TRAF3IP1: variants seen among roughly 807,000 people sequenced by gnomAD.
TRAF3IP1 encodes the protein TRAF3-interacting protein 1.
A neutral mutation model predicts 89.9 loss-of-function variants in TRAF3IP1; 53 were observed. The ratio of observed to expected loss-of-function variants is 0.59; its 90% CI spans 0.47 to 0.74. TRAF3IP1 has a LOEUF of 0.74. Ranked by LOEUF, TRAF3IP1 falls within the 30% of genes least tolerant of loss-of-function variation. The pLI is 0.00. For missense variants in TRAF3IP1, 806 were observed against 866.1 expected (o/e 0.93, Z 0.87); for synonymous variants, 311 against 322.1 (o/e 0.97, Z 0.37).
At chr2:238,331,510 G>T (rs1698123199) in intron 5 of TRAF3IP1, among the ~76,000 whole-genome samples, 1 of 152,100 alleles carries the variant, frequency 6.6e-6, no homozygotes, top group Admixed American at 6.5e-5. Flanking sequence ...AATTTTTAGA[G>T]GCTGATATTT....
intron 3 of TRAF3IP1, among the ~76,000 whole-genome samples, chr2:238,327,089 C>G (rs1295424871): frequency 2.6e-5 from 4 of 152,262 alleles, no homozygotes; most frequent in Admixed American, 6.5e-5. Context: ...CTACTTCTCT[C>G]CCTTCAGATC....
At chr2:238,356,332 AC>A (rs1212464031) in intron 15 of TRAF3IP1, among the ~76,000 whole-genome samples, 2 of 152,132 alleles carry the variant, frequency 1.3e-5, no homozygotes, top group Non-Finnish European at 2.9e-5. Flanking sequence ...CCCTGTCTTT[AC>A]AAAAAATACA....
intron 15 of TRAF3IP1, among the ~76,000 whole-genome samples, chr2:238,377,266 C>G (rs1700360248): frequency 8.6e-6 from 1 of 116,932 alleles, no homozygotes; most frequent in Admixed American, 1.0e-4. Flanking sequence ...GACAGGGCCT[C>G]CCTGTCACCC....
At chr2:238,333,905 A>C (rs1432222206) in intron 6 of TRAF3IP1, 55 bp from the exon 7 acceptor site, 4 of 1,400,706 alleles carry the variant, frequency 2.9e-6, no homozygotes, top group Admixed American at 4.0e-5. Context: ...AAACCTGCTT[A>C]TGATACTGCT....
intron 15 of TRAF3IP1, among the ~76,000 whole-genome samples, chr2:238,367,704 A>G (rs1356090448): frequency 6.6e-6 from 1 of 151,980 alleles, no homozygotes; most frequent in Admixed American, 6.6e-5. Flanking sequence ...CACCTGCACC[A>G]CAACTCACTG....
intron 1 of TRAF3IP1, among the ~76,000 whole-genome samples, chr2:238,321,019 G>A (rs1293596458): frequency 6.6e-6 from 1 of 152,068 alleles, no homozygotes; most frequent in Non-Finnish European, 1.5e-5. Context: ...GGCACAGGGT[G>A]CGGGTCGGGG....
At position 238,338,403 on chromosome 2, in the gene TRAF3IP1, A is replaced by G. The variant is rs558904902; in HGVS notation, c.1105A>G (p.Ile369Val). The stretch of plus-strand genomic sequence containing the variant: ...TATTTCAGCTAAAAGTTTAGACTCC[A>G]TAGTGTCTGGAATAAATAATGAGCC... Reference protein sequence around the residue: ...DNISAKSLDSIVSGINNEPNQ... With the variant: ...DNISAKSLDSVVSGINNEPNQ... The change falls in exon 8 of 17, where the codon ATA (isoleucine) becomes GTA (valine). Residue 369 changes from isoleucine to valine, a missense_variant. This residue lies in a region of TRAF3IP1 where 732 missense variants were observed against 780.5 expected (regional missense o/e 0.94). Transcript: ENST00000373327. 7 of 1,601,700 alleles carry G rather than the reference A, an allele frequency of 4.4e-6. No individual in the cohort carries two copies. The Admixed American group carries it at 6.9e-5, about 16-fold the overall frequency.
In TRAF3IP1 at chr2:238,375,202, A is replaced by G. The variant is rs1700266071; in HGVS notation, c.1689+19122A>G. Among the ~76,000 whole-genome samples the G allele has an allele frequency of 4.0e-5, 6 of 151,892 alleles. No individual in the cohort carries two copies. In the South Asian group the frequency reaches 1.2e-3, roughly 32 times the overall value. On this transcript the variant is annotated intron_variant, in intron 15 of 16. Transcript: ENST00000373327. Reference sequence around the variant, plus strand: ...GAATTTGTTTGCTCTTGCTTCTCTCATTCTTTTAATTGTGATGTTAGGGTG... The same window carrying G: ...GAATTTGTTTGCTCTTGCTTCTCTCGTTCTTTTAATTGTGATGTTAGGGTG...
intron 7 of TRAF3IP1, among the ~76,000 whole-genome samples, chr2:238,335,837 G>T (rs572962042): frequency 6.6e-6 from 1 of 151,158 alleles, no homozygotes; most frequent in Non-Finnish European, 1.5e-5. Flanking sequence ...GTCTCACTCT[G>T]TTGCCAGACT....
At position 238,352,916 on chromosome 2, in the gene TRAF3IP1, C is replaced by T; in HGVS notation, c.1541C>T (p.Ala514Val). The T allele has an allele frequency of 6.2e-7, 1 of 1,612,654 alleles. No homozygotes were observed. Among genetic ancestry groups the T allele is most frequent in the Non-Finnish European group, 8.5e-7 (1 of 1,179,550 alleles). Residue 514 changes from alanine to valine, a missense_variant, in exon 13 of 17, where the codon GCC becomes GTC. This residue lies in a region of TRAF3IP1 where 732 missense variants were observed against 780.5 expected (regional missense o/e 0.94). Coordinates refer to ENST00000373327, the MANE Select transcript of TRAF3IP1 (RefSeq NM_015650.4). ...EEDDQFVVEA[A>V]PQLSEMSEIE... ...GATGATCAATTTGTGGTGGAAGCTG[C>T]CCCTCAGCTCTCTGAAATGTCAGAA...
chr2:238,383,169 G>A (rs1450229189), intron 15 of TRAF3IP1, among the ~76,000 whole-genome samples: 1 of 152,074 alleles, frequency 6.6e-6, no homozygotes, highest in Non-Finnish European at 1.5e-5. Flanking sequence ...AGGCCCACCT[G>A]CTGTAGGCTG....
At chr2:238,329,429 C>G in intron 5 of TRAF3IP1, 87 bp downstream of exon 5, 2 of 1,211,250 alleles carry the variant, frequency 1.7e-6, no homozygotes, top group Non-Finnish European at 2.1e-6. Context: ...TACAATATGA[C>G]TAGGAAACTG....
chr2:238,385,238 G>A (rs1487176615), intron 15 of TRAF3IP1, among the ~76,000 whole-genome samples: 2 of 152,010 alleles, frequency 1.3e-5, no homozygotes, highest in African/African-American at 2.4e-5. Flanking sequence ...GGATGGTCTC[G>A]ATCTCCTGAC....
At chr2:238,324,901 C>A (rs895275674) in intron 1 of TRAF3IP1, among the ~76,000 whole-genome samples, 1 of 152,184 alleles carries the variant, frequency 6.6e-6, no homozygotes, top group Non-Finnish European at 1.5e-5. Flanking sequence ...CACACCCAGC[C>A]GTGTGGACTT....
chr2:238,396,515 AACTT>A (rs1268153416), intron 15 of TRAF3IP1, among the ~76,000 whole-genome samples: 1 of 151,930 alleles, frequency 6.6e-6, no homozygotes, highest in East Asian at 1.9e-4. Flanking sequence ...TGTACCCTAA[AACTT>A]AAAGTATAAT....
At chr2:238,347,525 G>A (rs1559368298) in intron 10 of TRAF3IP1, 50 bp downstream of exon 10, 1 of 1,590,716 alleles carries the variant, frequency 6.3e-7, no homozygotes, top group African/African-American at 1.3e-5. Flanking sequence ...GTATGCATGT[G>A]TGTGAATGTG....
chr2:238,344,657 T>C, intron 9 of TRAF3IP1, 59 bp downstream of exon 9: 3 of 1,487,122 alleles, frequency 2.0e-6, no homozygotes, highest in Non-Finnish European at 2.8e-6. Flanking sequence ...CTCCAGAACC[T>C]TCTTCTCAAA....
chr2:238,383,542 CT>C (rs1298385974), intron 15 of TRAF3IP1, among the ~76,000 whole-genome samples: 1 of 152,198 alleles, frequency 6.6e-6, no homozygotes. Flanking sequence ...TGCTTACAGG[CT>C]TTTGCTATAA....
chr2:238,358,608 G>T (rs1270516419), intron 15 of TRAF3IP1, among the ~76,000 whole-genome samples: 4 of 152,218 alleles, frequency 2.6e-5, no homozygotes, highest in Non-Finnish European at 5.9e-5. Context: ...GCAGTCCCCA[G>T]GATGAACTTG....
Sources: gnomAD v4.1 joint callset for allele counts (sites outside exome capture counted in the v4.1 genomes callset) on GRCh38, gnomAD v4.1.1 for gene constraint, gnomAD v4.1.1 regional missense constraint, MANE v1.5 for transcripts, NCBI Gene and HGNC (gene_info 2026-07-23, HGNC 2026-07-21) for gene names.